Variants in DMD observed in about 807,000 individuals in gnomAD.
The protein encoded by DMD is dystrophin, also known as mutant dystrophin.
In DMD, 63 loss-of-function variants were observed where a neutral mutation model predicts 330.1. The ratio of observed to expected loss-of-function variants is 0.19; its 90% CI spans 0.16 to 0.24. DMD has a LOEUF of 0.24. Ranked by LOEUF, DMD falls within the 10% of genes least tolerant of loss-of-function variation. The probability of loss-of-function intolerance (pLI) is 1.00; values close to 1 mark genes in which losing one functional copy is unlikely to be tolerated. For synonymous variants in DMD, 1,223 were observed against 959.8 expected (o/e 1.27, Z -5.07); for missense variants, 3,344 against 2,684.1 (o/e 1.25, Z -5.43).
intron 59 of DMD, among the ~76,000 whole-genome samples, chrX:31,451,423 C>T (rs1375661006): frequency 9.3e-6 from 1 of 107,850 alleles, no homozygotes; most frequent in African/African-American, 3.4e-5. Context: ...GCTGGGATTA[C>T]AGGTGCCCGC....
chrX:32,323,552 T>C (rs1401183560), intron 41 of DMD, among the ~76,000 whole-genome samples: 1 of 111,549 alleles, frequency 9.0e-6, no homozygotes, highest in African/African-American at 3.3e-5. Context: ...TGCCTTTGAT[T>C]GAAAATAATG....
intron 45 of DMD, among the ~76,000 whole-genome samples, chrX:31,965,789 G>A (rs968681907): frequency 2.7e-5 from 3 of 111,775 alleles, no homozygotes; most frequent in Admixed American, 9.5e-5. Context: ...GATGTATCCA[G>A]TTCTTCTGTT....
Position 31,223,761 on chromosome X carries a change from A to G in DMD, c.9287-640T>C, listed in dbSNP as rs758852122. On this transcript the variant is annotated intron_variant, in intron 63 of 78. Coordinates refer to ENST00000357033, the MANE Select transcript of DMD (RefSeq NM_004006.3). ...AGCTTAAGACCAGCTTGGGCAACAT[A>G]GTGAGATCCCATCTCTACAAAAAAA... Among the ~76,000 whole-genome samples the G allele has an allele frequency of 2.7e-5, 3 of 112,392 alleles. No individual in the cohort carries two copies. The Admixed American group carries it at 2.8e-4, about 11-fold the overall frequency.
intron 2 of DMD, among the ~76,000 whole-genome samples, chrX:32,892,512 G>A (rs1028667128): frequency 1.1e-4 from 12 of 111,511 alleles, no homozygotes; most frequent in Non-Finnish European, 2.1e-4. Context: ...TCATGCCTCG[G>A]CCTCCCAAAT....
chrX:32,973,545 A>G (rs978826332), intron 2 of DMD, among the ~76,000 whole-genome samples: 9 of 111,953 alleles, frequency 8.0e-5, no homozygotes, highest in Non-Finnish European at 1.3e-4. Context: ...AGTATCGTAA[A>G]GCCACCATGC....
At chrX:33,284,235 T>A (rs192261651) in intron 1 of DMD, among the ~76,000 whole-genome samples, 3 of 111,101 alleles carry the variant, frequency 2.7e-5, no homozygotes, top group African/African-American at 9.8e-5. Context: ...TTTCTATAGA[T>A]GTTTTAGCCA....
intron 44 of DMD, among the ~76,000 whole-genome samples, chrX:32,061,022 A>G (rs992173841): frequency 2.7e-5 from 3 of 111,209 alleles, no homozygotes; most frequent in African/African-American, 9.8e-5. Flanking sequence ...CCTTCAATAA[A>G]ACTATCACTA....
At chrX:33,279,647 A>G (rs1195667434) in intron 1 of DMD, among the ~76,000 whole-genome samples, 2 of 111,215 alleles carry the variant, frequency 1.8e-5, no homozygotes, top group Non-Finnish European at 3.8e-5. Context: ...ACTATTTTCC[A>G]GTGTGGCTAT....
intron 48 of DMD, among the ~76,000 whole-genome samples, chrX:31,860,093 A>G (rs1016334629): frequency 7.5e-4 from 63 of 84,314 alleles, no homozygotes; most frequent in Non-Finnish European, 1.4e-3. Context: ...AGTTTTCTTT[A>G]GAGTACATAA....
chrX:32,160,126 A>C (rs2096843814), intron 44 of DMD, among the ~76,000 whole-genome samples: 1 of 111,823 alleles, frequency 8.9e-6, no homozygotes, highest in African/African-American at 3.2e-5. Context: ...TTAGAGCTGG[A>C]AATTCAGCAC....
intron 1 of DMD, among the ~76,000 whole-genome samples, chrX:33,262,916 G>A: frequency 9.1e-6 from 1 of 110,455 alleles, no homozygotes; most frequent in Middle Eastern, 4.7e-3. Context: ...ATGATTCAGA[G>A]CAGGAAATAA....
intron 60 of DMD, among the ~76,000 whole-genome samples, chrX:31,418,043 A>G (rs1341001417): frequency 9.0e-6 from 1 of 110,544 alleles, no homozygotes; most frequent in Non-Finnish European, 1.9e-5. Context: ...AAAAAAAAAA[A>G]AAAAGAATGC....
intron 37 of DMD, among the ~76,000 whole-genome samples, chrX:32,358,806 C>T (rs942985806): frequency 9.0e-6 from 1 of 111,050 alleles, no homozygotes; most frequent in Non-Finnish European, 1.9e-5. Flanking sequence ...CCCCCAGATT[C>T]GGCCATTCAA....
At chrX:31,474,351 A>AG (rs1046529007) in intron 59 of DMD, among the ~76,000 whole-genome samples, 4 of 110,607 alleles carry the variant, frequency 3.6e-5, no homozygotes, top group African/African-American at 9.9e-5. Flanking sequence ...ATCAGAATGG[A>AG]GGGGGGGTAC....
At chrX:31,342,801 G>A (rs375044065) in intron 61 of DMD, among the ~76,000 whole-genome samples, 10 of 111,825 alleles carry the variant, frequency 8.9e-5, no homozygotes, top group African/African-American at 2.6e-4. Context: ...TTTTGAGACA[G>A]AGTCTCTCTC....
At chrX:32,453,607 A>T (rs6631588) in intron 26 of DMD, among the ~76,000 whole-genome samples, 1 of 108,991 alleles carries the variant, frequency 9.2e-6, no homozygotes, top group Non-Finnish European at 1.9e-5. Flanking sequence ...ATAATGAGTC[A>T]TGGTCATTTA....
At chrX:32,571,717 T>C (rs979234023) in intron 15 of DMD, among the ~76,000 whole-genome samples, 2 of 111,870 alleles carry the variant, frequency 1.8e-5, no homozygotes. Context: ...ATAATTATCA[T>C]TTTTGTCATT....
intron 20 of DMD, among the ~76,000 whole-genome samples, chrX:32,490,304 A>G (rs1406440466): frequency 8.9e-6 from 1 of 112,112 alleles, no homozygotes; most frequent in Non-Finnish European, 1.9e-5. Flanking sequence ...CGAAAAGCAC[A>G]TAGCTCATAG....
intron 64 of DMD, among the ~76,000 whole-genome samples, chrX:31,222,530 G>A: frequency 9.0e-6 from 1 of 110,552 alleles, no homozygotes; most frequent in Middle Eastern, 4.7e-3. Context: ...TGATAGAGCT[G>A]TGTAACACTT....
Sources: gnomAD v4.1 joint callset for allele counts (sites outside exome capture counted in the v4.1 genomes callset) on GRCh38, gnomAD v4.1.1 for gene constraint, MANE v1.5 for transcripts, NCBI Gene and HGNC (gene_info 2026-07-23, HGNC 2026-07-21) for gene names.